PVT1: variants seen among roughly 807,000 people sequenced by gnomAD.
PVT1 encodes the protein CXCR4/PVT1 fusion.
rs16902431 is a variant in PVT1, at chr8:127,825,801, C to T, written n.372+29730C>T. 3.1e-3 allele frequency among the ~76,000 whole-genome samples: 476 copies of T among 152,116 alleles called. 2 individuals carry two copies. Among genetic ancestry groups the T allele is most frequent in the African/African-American group, 0.011 (455 of 41,496 alleles). ...TCTTCCTCAGCTATATGGGTGTCCT[C>T]GAAAATGCTGAGCATAAGAAAAGTG... On this transcript the variant is annotated intron_variant and non_coding_transcript_variant, in intron 2 of 10. Coordinates refer to ENST00000651587, the Ensembl canonical transcript of PVT1.
chr8:128,055,029 G>A (rs559664247), intron 4 of PVT1, among the ~76,000 whole-genome samples: 62 of 152,278 alleles, frequency 4.1e-4, no homozygotes, highest in African/African-American at 1.3e-3. Context: ...GATGCCTTTG[G>A]ATTAAAACTA....
At chr8:128,078,420 A>G (rs1814120909) in intron 5 of PVT1, among the ~76,000 whole-genome samples, 1 of 152,234 alleles carries the variant, frequency 6.6e-6, no homozygotes, top group Non-Finnish European at 1.5e-5. Flanking sequence ...TTCAGAGATC[A>G]GTTTCTTACT....
At chr8:128,040,804 CTG>C (rs1398933641) in intron 4 of PVT1, among the ~76,000 whole-genome samples, 9 of 148,374 alleles carry the variant, frequency 6.1e-5, no homozygotes. Flanking sequence ...TTGAGTGCTT[CTG>C]TGTGTTGTTT....
At chr8:127,851,752 C>T (rs1815109591) in intron 2 of PVT1, among the ~76,000 whole-genome samples, 2 of 152,162 alleles carry the variant, frequency 1.3e-5, no homozygotes, top group South Asian at 2.1e-4. Context: ...CATCATGATG[C>T]AGGCTGTGGA....
chr8:128,089,430 T>C (rs530580709), intron 5 of PVT1, among the ~76,000 whole-genome samples: 4 of 152,164 alleles, frequency 2.6e-5, no homozygotes, highest in Admixed American at 6.5e-5. Flanking sequence ...CCCCCAATAA[T>C]GGTAGTAATC....
intron 5 of PVT1, among the ~76,000 whole-genome samples, chr8:128,072,436 T>C (rs1814009527): frequency 6.6e-6 from 1 of 152,212 alleles, no homozygotes; most frequent in Non-Finnish European, 1.5e-5. Flanking sequence ...TTCATTATAG[T>C]TCCTCCCAGC....
intron 2 of PVT1, among the ~76,000 whole-genome samples, chr8:127,873,544 C>T (rs1238642806): frequency 8.6e-5 from 13 of 152,024 alleles, no homozygotes; most frequent in African/African-American, 2.2e-4. Flanking sequence ...AGGGACCCGG[C>T]GTGCAATTTG....
chr8:128,084,140 C>G (rs906714614), intron 5 of PVT1, among the ~76,000 whole-genome samples: 2 of 152,102 alleles, frequency 1.3e-5, no homozygotes, highest in African/African-American at 4.8e-5. Flanking sequence ...AAAATGTGAA[C>G]CAAAGCATGA....
At chr8:127,952,192 C>T (rs57757551) in intron 3 of PVT1, among the ~76,000 whole-genome samples, 2,842 of 152,304 alleles carry the variant, frequency 0.019, 93 homozygotes, top group African/African-American at 0.064. Context: ...GCCTGGCTCA[C>T]GACCGATTGT....
intron 5 of PVT1, among the ~76,000 whole-genome samples, chr8:128,087,224 T>C (rs1433862044): frequency 6.6e-6 from 1 of 152,224 alleles, no homozygotes; most frequent in East Asian, 1.9e-4. Context: ...AAAACTGGGC[T>C]GTAATCGTAC....
In PVT1 at chr8:127,960,940, G is replaced by T. The variant is rs1241389507; in HGVS notation, n.783-28222G>T. ...TTTGTTCTCTTGTGTGTGTGTTTGG[G>T]GGTGGGGGGGGCGGGCGGGCACGAA... On this transcript the variant is annotated intron_variant and non_coding_transcript_variant, in intron 3 of 10. Coordinates refer to ENST00000651587, the Ensembl canonical transcript of PVT1. 9.2e-3 allele frequency among the ~76,000 whole-genome samples: 1,110 copies of T among 120,514 alleles called. 13 individuals carry two copies. The highest frequency in any genetic ancestry group is 0.012 in the Non-Finnish European group (665 of 57,166). 79.1% of individuals were successfully genotyped at this position (120,514 alleles called of 152,430 possible). A position where few individuals can be genotyped will look rare whatever the true frequency, so the allele number is the denominator to read the frequency against.
At chr8:127,838,889 C>T (rs1260782187) in intron 2 of PVT1, among the ~76,000 whole-genome samples, 17 of 152,096 alleles carry the variant, frequency 1.1e-4, no homozygotes, top group Admixed American at 1.1e-3. Flanking sequence ...AACGGTGGCC[C>T]TATGAGATTA....
chr8:128,098,302 C>T (rs1320467704), intron 6 of PVT1, among the ~76,000 whole-genome samples: 5 of 152,162 alleles, frequency 3.3e-5, no homozygotes, highest in Non-Finnish European at 5.9e-5. Context: ...TCAGAAATCT[C>T]GGGAGATTCT....
intron 2 of PVT1, among the ~76,000 whole-genome samples, chr8:127,855,844 G>T (rs1815154341): frequency 6.6e-6 from 1 of 152,240 alleles, no homozygotes; most frequent in Non-Finnish European, 1.5e-5. Context: ...AGGCATGAAA[G>T]GTGTGGCCGG....
At chr8:128,029,295 T>C (rs1813360581) in intron 4 of PVT1, among the ~76,000 whole-genome samples, 1 of 151,330 alleles carries the variant, frequency 6.6e-6, no homozygotes, top group African/African-American at 2.4e-5. Flanking sequence ...GTTAATTTTT[T>C]GACTTTTTTT....
intron 4 of PVT1, among the ~76,000 whole-genome samples, chr8:128,037,680 C>T (rs1409834924): frequency 2.0e-5 from 3 of 152,166 alleles, no homozygotes; most frequent in African/African-American, 7.2e-5. Context: ...GGTTCTGAAC[C>T]CCAGGCCTCC....
chr8:128,041,619 G>GTA (rs1554606559), intron 4 of PVT1, among the ~76,000 whole-genome samples: 6 of 148,646 alleles, frequency 4.0e-5, no homozygotes, highest in South Asian at 2.1e-4. Flanking sequence ...TGGTGTGTGT[G>GTA]TGTGTGTTGT....
intron 3 of PVT1, among the ~76,000 whole-genome samples, chr8:127,963,140 G>C (rs944147165): frequency 6.6e-5 from 10 of 152,138 alleles, no homozygotes; most frequent in Admixed American, 1.3e-4. Context: ...CCCAAGACAG[G>C]ATCTTTTCAG....
At chr8:127,870,651 A>T (rs1372193897) in intron 2 of PVT1, among the ~76,000 whole-genome samples, 5 of 152,206 alleles carry the variant, frequency 3.3e-5, no homozygotes, top group Non-Finnish European at 7.3e-5. Flanking sequence ...TTCTGCATTT[A>T]GAGCTCTGGG....
Sources: gnomAD v4.1 joint callset for allele counts (sites outside exome capture counted in the v4.1 genomes callset) on GRCh38, gnomAD v4.1.1 for gene constraint, MANE v1.5 for transcripts, NCBI Gene and HGNC (gene_info 2026-07-23, HGNC 2026-07-21) for gene names.